Variants in ITPR2 observed in about 807,000 individuals in gnomAD.
ITPR2 encodes the protein inositol 1,4,5-trisphosphate-gated calcium channel ITPR2.
In ITPR2, 207 loss-of-function variants were observed where a neutral mutation model predicts 317.1. The observed-to-expected ratio is 0.65, with a 90% CI of 0.58 to 0.73. The LOEUF is 0.73. Among genes scored for constraint, ITPR2 ranks in the 30% least tolerant of loss-of-function variants. The pLI is 0.00. For missense variants in ITPR2, 2,613 were observed against 3,284.0 expected (o/e 0.80, Z 4.99); for synonymous variants, 1,156 against 1,149.1 (o/e 1.01, Z -0.12).
At chr12:26,362,375 A>T (rs891250171) in intron 55 of ITPR2, among the ~76,000 whole-genome samples, 1 of 152,228 alleles carries the variant, frequency 6.6e-6, no homozygotes, top group African/African-American at 2.4e-5. Flanking sequence ...AGAACATTTT[A>T]GAAAACATCT....
chr12:26,737,020 G>A (rs142750297), intron 2 of ITPR2, among the ~76,000 whole-genome samples: 147 of 152,274 alleles, frequency 9.7e-4, no homozygotes, highest in African/African-American at 3.3e-3. Context: ...ACATGTAAAC[G>A]AGGGAGGAAA....
chr12:26,400,375 A>AT (rs1940136301), intron 52 of ITPR2, 117 bp from the exon 53 acceptor site: 2 of 413,260 alleles, frequency 4.8e-6, no homozygotes, highest in Middle Eastern at 7.1e-4. Flanking sequence ...AAGTATGTAA[A>AT]TTTATACACA....
Position 26,658,060 on chromosome 12 carries a change from A to C in ITPR2, c.1957T>G (p.Cys653Gly). ...TTGCCTGGACTCAACATAAATTTAC[A>C]GATGAGTTCTTGAGTTACAGGGATA... ...TAIPVTQELI[C>G]KFMLSPGNAD... is the part of the protein sequence containing the mutation. Residue 653 changes from cysteine to glycine, a missense_variant, in exon 17 of 57, where the codon TGT (cysteine) becomes GGT (glycine). Cys to Gly is a radical substitution (Grantham distance 159, BLOSUM62 -3). Transcript: ENST00000381340. The C allele has an allele frequency of 6.2e-7, 1 of 1,613,172 alleles. No homozygotes were observed. The highest frequency in any genetic ancestry group is 8.5e-7 in the Non-Finnish European group (1 of 1,179,318).
rs1565609861 is a variant in ITPR2 at position 26,568,010 on chromosome 12, ATAT to A, written c.4631-6061_4631-6059del. The stretch of plus-strand genomic sequence containing the variant: ...TATATATATATATTATATATATTAT[ATAT>A]ATATATATATATATATATAAAATGT... On this transcript the variant is annotated intron_variant, in intron 34 of 56. Coordinates refer to ENST00000381340, the MANE Select transcript of ITPR2 (RefSeq NM_002223.4). Among the ~76,000 whole-genome samples, 44 of 6,500 alleles carry A rather than the reference ATAT, an allele frequency of 6.8e-3. 4 individuals are homozygous for A. Among genetic ancestry groups the A allele is most frequent in the African/African-American group, 0.014 (44 of 3,234 alleles). The allele number at this position is 6,500 out of a possible 152,430, so 4.3% of individuals were successfully genotyped here.
chr12:26,548,679 T>C (rs1565595944), intron 37 of ITPR2, among the ~76,000 whole-genome samples: 1 of 152,088 alleles, frequency 6.6e-6, no homozygotes, highest in Non-Finnish European at 1.5e-5. Context: ...TTACATCACA[T>C]CTTGCATAAA....
At chr12:26,786,881 A>G (rs1950262779) in intron 2 of ITPR2, among the ~76,000 whole-genome samples, 1 of 152,224 alleles carries the variant, frequency 6.6e-6, no homozygotes, top group Non-Finnish European at 1.5e-5. Context: ...AACTGTTGAT[A>G]TGCTATTGTT....
intron 55 of ITPR2, among the ~76,000 whole-genome samples, chr12:26,380,745 A>G (rs1939485000): frequency 6.6e-6 from 1 of 152,212 alleles, no homozygotes. Flanking sequence ...GTGCATAGAA[A>G]TCTTAGAAGA....
In ITPR2 at chr12:26,337,875, C is replaced by A. The variant is rs1452006852; in HGVS notation, c.*1522G>T. 6.6e-6 allele frequency: 1 copy of A among 152,226 alleles called. No individual in the cohort carries two copies. The highest frequency in any genetic ancestry group is 1.5e-5 in the Non-Finnish European group (1 of 68,038). 9.4% of individuals were successfully genotyped at this position (152,226 alleles called of 1,614,324 possible). The stretch of plus-strand genomic sequence containing the variant: ...TTAACAGTATGTGGAAGGATTGGTT[C>A]AGGCTTCCTTTATATTCTACATAGA... On this transcript the variant is annotated 3_prime_UTR_variant, in exon 57 of 57. Coordinates refer to ENST00000381340, the MANE Select transcript of ITPR2 (RefSeq NM_002223.4).
intron 34 of ITPR2, among the ~76,000 whole-genome samples, chr12:26,568,633 G>A (rs888348422): frequency 6.6e-6 from 1 of 152,118 alleles, no homozygotes; most frequent in Non-Finnish European, 1.5e-5. Flanking sequence ...GCAGTGATAG[G>A]TGCCATGGAG....
At position 26,632,945 on chromosome 12, in the gene ITPR2, A is replaced by G. The variant is rs548233065; in HGVS notation, c.2741-886T>C. Among the ~76,000 whole-genome samples, 3 of 152,300 alleles carry G rather than the reference A, an allele frequency of 2.0e-5. No homozygotes were observed. In the East Asian group the frequency reaches 5.8e-4, roughly 29 times the overall value. On this transcript the variant is annotated intron_variant, in intron 21 of 56. Transcript: ENST00000381340. ...TGCTGCTTCTCACTTCTAAGTTCCC[A>G]CAGGAAGCAATAAGGATGCAAAAGA...
At position 26,597,154 on chromosome 12, in the gene ITPR2, G is replaced by T. The variant is rs1273315180; in HGVS notation, c.4003-20C>A. On this transcript the variant is annotated intron_variant, in intron 30 of 56. Coordinates refer to ENST00000381340, the MANE Select transcript of ITPR2 (RefSeq NM_002223.4). ...TATCAACTGAAATGATAATAAGAGA[G>T]TCTATGTAGCAGTCCGAACATTCAT... is the stretch of plus-strand genomic sequence containing the variant. 1.2e-6 allele frequency: 2 copies of T among 1,612,700 alleles called. No individual in the cohort carries two copies. The highest frequency in any genetic ancestry group is 8.5e-7 in the Non-Finnish European group (1 of 1,179,672).
intron 45 of ITPR2, among the ~76,000 whole-genome samples, chr12:26,460,871 G>A (rs559876817): frequency 5.3e-5 from 8 of 152,154 alleles, no homozygotes; most frequent in Admixed American, 3.3e-4. Context: ...TTTGCCCTCC[G>A]ACCTGGATGC....
At chr12:26,383,465 T>TG (rs1939571984) in intron 55 of ITPR2, among the ~76,000 whole-genome samples, 4 of 149,430 alleles carry the variant, frequency 2.7e-5, no homozygotes, top group South Asian at 4.2e-4. Flanking sequence ...ATTCTATGTT[T>TG]TTTTGTTTGT....
intron 34 of ITPR2, among the ~76,000 whole-genome samples, chr12:26,575,863 T>A (rs1255224045): frequency 6.6e-6 from 1 of 152,212 alleles, no homozygotes. Flanking sequence ...GGAATTTCAC[T>A]TGTGGCTCCA....
intron 54 of ITPR2, 30 bp downstream of exon 54, chr12:26,398,846 C>A (rs990921850): frequency 6.4e-7 from 1 of 1,573,320 alleles, no homozygotes; most frequent in Non-Finnish European, 8.6e-7. Flanking sequence ...GTCTATTCAT[C>A]TATTATTTTA....
intron 26 of ITPR2, among the ~76,000 whole-genome samples, chr12:26,620,264 C>T (rs528204361): frequency 3.9e-5 from 6 of 152,342 alleles, no homozygotes; most frequent in Admixed American, 2.6e-4. Context: ...CAATGAAGCC[C>T]ACGTTCCAGT....
At chr12:26,520,629 G>A (rs1943637908) in intron 37 of ITPR2, among the ~76,000 whole-genome samples, 1 of 152,102 alleles carries the variant, frequency 6.6e-6, no homozygotes, top group African/African-American at 2.4e-5. Flanking sequence ...GGTGAGATCT[G>A]CTTCATGAAA....
chr12:26,755,913 G>T (rs974699628), intron 2 of ITPR2, among the ~76,000 whole-genome samples: 5 of 152,078 alleles, frequency 3.3e-5, no homozygotes, highest in Admixed American at 2.0e-4. Context: ...AAGTTATCTT[G>T]GGACCTCAAA....
At chr12:26,404,352 C>A (rs1227967673) in intron 52 of ITPR2, among the ~76,000 whole-genome samples, 1 of 152,136 alleles carries the variant, frequency 6.6e-6, no homozygotes, top group Non-Finnish European at 1.5e-5. Flanking sequence ...GCAAGCAAAG[C>A]ATCTCAGATG....
Sources: gnomAD v4.1 joint callset for allele counts (sites outside exome capture counted in the v4.1 genomes callset) on GRCh38, gnomAD v4.1.1 for gene constraint, MANE v1.5 for transcripts, NCBI Gene and HGNC (gene_info 2026-07-23, HGNC 2026-07-21) for gene names.